Variants in PHF14 observed in about 807,000 individuals in gnomAD.
PHF14 encodes the protein PHD finger protein 14.
Under a neutral mutation model 117.9 loss-of-function variants are expected in PHF14, and 55 were observed. The observed-to-expected ratio is 0.47, with a 90% CI of 0.38 to 0.58. PHF14 has a LOEUF of 0.58. PHF14 is among the 20% of genes least tolerant of loss of function. PHF14 has a pLI of 0.00. For synonymous variants in PHF14, 409 were observed against 368.6 expected, an observed-to-expected ratio of 1.11 and a Z score of -1.26; for missense variants, 978 against 1,122.2, an observed-to-expected ratio of 0.87 and a Z score of 1.84.
Position 10,990,862 on chromosome 7 carries a change from T to G in PHF14, c.1045+15T>G. On this transcript the variant is annotated intron_variant, in intron 4 of 17. Transcript: ENST00000634607. The stretch of plus-strand genomic sequence containing the variant: ...AGTCCATGAAGGTAATGTTGCTTTC[T>G]TTTCTCTCTTTTTAGAAATGGCTGA... The G allele has an allele frequency of 6.5e-7, 1 of 1,548,688 alleles. No homozygotes were observed. The highest frequency in any genetic ancestry group is 1.9e-5 in the Admixed American group (1 of 51,896).
At chr7:11,016,016 A>G (rs1783521931) in intron 5 of PHF14, among the ~76,000 whole-genome samples, 1 of 152,128 alleles carries the variant, frequency 6.6e-6, no homozygotes, top group African/African-American at 2.4e-5. Context: ...ACTTCATGCT[A>G]TCATAATAGA....
intron 13 of PHF14, among the ~76,000 whole-genome samples, chr7:11,043,561 C>T (rs961975469): frequency 6.6e-6 from 1 of 152,042 alleles, no homozygotes; most frequent in African/African-American, 2.4e-5. Context: ...TGTGTGTGTT[C>T]CTCAAATACA....
At chr7:11,016,831 CT>C (rs1290477687) in intron 5 of PHF14, among the ~76,000 whole-genome samples, 4 of 152,082 alleles carry the variant, frequency 2.6e-5, no homozygotes, top group Admixed American at 1.3e-4. Flanking sequence ...AACAGTAGGT[CT>C]TAGTCTTTCC....
intron 4 of PHF14, among the ~76,000 whole-genome samples, chr7:11,009,070 G>C (rs1372698702): frequency 6.6e-6 from 1 of 151,100 alleles, no homozygotes; most frequent in Non-Finnish European, 1.5e-5. Flanking sequence ...TTATTGATGA[G>C]TTTCATAGTC....
intron 16 of PHF14, among the ~76,000 whole-genome samples, chr7:11,074,097 T>A (rs1180917044): frequency 6.6e-6 from 1 of 152,218 alleles, no homozygotes; most frequent in Non-Finnish European, 1.5e-5. Context: ...CTTTCCCCCA[T>A]GTCTTGGCTA....
intron 16 of PHF14, chr7:11,107,884 A>G (rs2128342792): frequency 3.8e-6 from 1 of 264,958 alleles, no homozygotes; most frequent in Non-Finnish European, 5.8e-6. Flanking sequence ...GGTAGAAACC[A>G]TAAATAGGTC....
chr7:10,993,633 A>G (rs1188082613), intron 4 of PHF14, among the ~76,000 whole-genome samples: 3 of 152,192 alleles, frequency 2.0e-5, no homozygotes, highest in Non-Finnish European at 4.4e-5. Flanking sequence ...CAGATTCTGA[A>G]GAAAAATGAA....
intron 13 of PHF14, among the ~76,000 whole-genome samples, chr7:11,049,500 AT>A (rs1784782731): frequency 6.6e-6 from 1 of 151,242 alleles, no homozygotes; most frequent in Admixed American, 6.6e-5. Context: ...AAAAGTGTAA[AT>A]TAGAACTGTT....
chr7:11,127,424 G>C (rs1288773269), intron 17 of PHF14, among the ~76,000 whole-genome samples: 2 of 152,006 alleles, frequency 1.3e-5, no homozygotes, highest in Non-Finnish European at 2.9e-5. Context: ...CCTTTCTAGA[G>C]TCTTGCTCTT....
At chr7:11,043,654 A>G (rs144098007) in intron 13 of PHF14, among the ~76,000 whole-genome samples, 77 of 152,066 alleles carry the variant, frequency 5.1e-4, no homozygotes, top group African/African-American at 1.5e-3. Flanking sequence ...TTTTTTCACT[A>G]TTTTCACATG....
chr7:11,112,538 G>A (rs1465593058), intron 17 of PHF14, among the ~76,000 whole-genome samples: 6 of 151,834 alleles, frequency 4.0e-5, no homozygotes, highest in Admixed American at 2.6e-4. Flanking sequence ...TTGGGAGGTC[G>A]AGGGAGGTGG....
At chr7:11,019,703 A>G (rs1029002171) in intron 5 of PHF14, among the ~76,000 whole-genome samples, 1 of 151,596 alleles carries the variant, frequency 6.6e-6, no homozygotes. Context: ...TGTTTCATTG[A>G]TCTTTTGTAT....
intron 16 of PHF14, among the ~76,000 whole-genome samples, chr7:11,085,512 C>A (rs1329302733): frequency 6.6e-6 from 1 of 152,168 alleles, no homozygotes; most frequent in East Asian, 1.9e-4. Context: ...TTGTAGATGT[C>A]AGTGGTGAAC....
chr7:11,036,715 A>G, intron 9 of PHF14, 27 bp downstream of exon 9: 4 of 1,579,912 alleles, frequency 2.5e-6, no homozygotes, highest in Non-Finnish European at 2.6e-6. Context: ...GTACATGCAC[A>G]TTTTCACTGA....
rs546922040 is a variant in PHF14, at chr7:11,075,048, C to T, written c.2654+12963C>T. Among the ~76,000 whole-genome samples, 8 of 151,564 alleles carry T rather than the reference C, an allele frequency of 5.3e-5. 1 individual carries two copies. Among genetic ancestry groups the T allele is most frequent in the African/African-American group, 1.7e-4 (7 of 41,262 alleles). On this transcript the variant is annotated intron_variant, in intron 16 of 17. Transcript: ENST00000634607. ...CATCTCCCAGGTTCAAGCAATTTTCCTGCCTCAGCCTCCTGAGTAGCTGGG... is the reference window on the plus strand; with the variant it reads ...CATCTCCCAGGTTCAAGCAATTTTCTTGCCTCAGCCTCCTGAGTAGCTGGG...
At position 11,127,461 on chromosome 7, in the gene PHF14, GAA is replaced by G. The variant is rs375043415; in HGVS notation, c.2772+15996_2772+15997del. Among the ~76,000 whole-genome samples, 257 of 152,046 alleles carry G rather than the reference GAA, an allele frequency of 1.7e-3. 5 individuals are homozygous for G. The highest frequency in any genetic ancestry group is 5.8e-3 in the African/African-American group (241 of 41,488). The stretch of plus-strand genomic sequence containing the variant: ...AACGGGCCCACATTTTGTCCTAGGG[GAA>G]ACACACAACCCCTTGCCTTAACAAG... On this transcript the variant is annotated intron_variant, in intron 17 of 17. Coordinates refer to ENST00000634607, the MANE Select transcript of PHF14 (RefSeq NM_001007157.2).
chr7:10,985,452 T>G (rs997070271), intron 3 of PHF14, among the ~76,000 whole-genome samples: 1 of 152,038 alleles, frequency 6.6e-6, no homozygotes, highest in Non-Finnish European at 1.5e-5. Context: ...TCTTAGCTGC[T>G]AAGTTCATTT....
intron 17 of PHF14, among the ~76,000 whole-genome samples, chr7:11,168,473 A>C (rs1789275272): frequency 6.6e-6 from 1 of 152,210 alleles, no homozygotes; most frequent in South Asian, 2.1e-4. Context: ...AGAGTTCAAC[A>C]ATTATTTAAT....
At chr7:10,988,173 C>A (rs1438590934) in intron 3 of PHF14, among the ~76,000 whole-genome samples, 2 of 151,950 alleles carry the variant, frequency 1.3e-5, no homozygotes, top group Admixed American at 1.3e-4. Context: ...TCCCTCTTTG[C>A]GTTACATTTC....
Sources: allele counts gnomAD v4.1 joint callset (sites outside exome capture counted in the v4.1 genomes callset), GRCh38; gene constraint gnomAD v4.1.1; transcripts MANE v1.5; gene names NCBI Gene and HGNC (gene_info 2026-07-23, HGNC 2026-07-21).